LGSN: variants seen among roughly 807,000 people sequenced by gnomAD.
LGSN encodes lengsin.
Under a neutral mutation model 19.5 loss-of-function variants are expected in LGSN, and 21 were observed. That is an observed-to-expected ratio of 1.07 (90% CI 0.76 to 1.55). The LOEUF (loss-of-function observed/expected upper bound fraction) is 1.55, where lower values mean the gene tolerates loss of function less well. Among genes scored for constraint, LGSN ranks in the 40% most tolerant of loss-of-function variants. LGSN has a pLI of 0.00. For synonymous variants in LGSN, 257 were observed against 215.6 expected (o/e 1.19, Z -1.68); for missense variants, 673 against 608.5 (o/e 1.11, Z -1.12).
the LGSN span, among the ~76,000 whole-genome samples, chr6:63,534,646 A>C: frequency 2.5e-4 from 38 of 152,030 alleles, 2 homozygotes; most frequent in South Asian, 7.9e-3. Flanking sequence ...CATGTCTCTA[A>C]AAAATAATAA....
the LGSN span, among the ~76,000 whole-genome samples, chr6:63,434,539 A>G: frequency 6.7e-6 from 1 of 148,240 alleles, no homozygotes; most frequent in Non-Finnish European, 1.5e-5. Flanking sequence ...CTGTCATATC[A>G]CCTGAGGTCA....
chr6:63,453,626 C>T, the LGSN span, among the ~76,000 whole-genome samples: 2 of 151,372 alleles, frequency 1.3e-5, no homozygotes, highest in Non-Finnish European at 2.9e-5. Context: ...GTTTTCTGTT[C>T]TTTTACTTTG....
chr6:63,533,473 A>G, the LGSN span, among the ~76,000 whole-genome samples: 2 of 152,238 alleles, frequency 1.3e-5, no homozygotes, highest in Non-Finnish European at 2.9e-5. Context: ...AATAAAGGCT[A>G]GAACAGAGCT....
the LGSN span, among the ~76,000 whole-genome samples, chr6:63,504,336 C>T: frequency 1.3e-5 from 2 of 151,846 alleles, no homozygotes; most frequent in African/African-American, 2.4e-5. Flanking sequence ...CCGCCTCCCA[C>T]GTTCACACCA....
At chr6:63,470,269 A>G in the LGSN span, among the ~76,000 whole-genome samples, 1 of 151,844 alleles carries the variant, frequency 6.6e-6, no homozygotes, top group African/African-American at 2.4e-5. Context: ...GGAGTTCAAG[A>G]CCAACCTGAC....
At chr6:63,373,373 G>A in the LGSN span, among the ~76,000 whole-genome samples, 1 of 152,170 alleles carries the variant, frequency 6.6e-6, no homozygotes, top group South Asian at 2.1e-4. Context: ...TAACATCAGT[G>A]ATAAGACAAA....
At chr6:63,343,884 A>C in the LGSN span, among the ~76,000 whole-genome samples, 3 of 152,286 alleles carry the variant, frequency 2.0e-5, no homozygotes, top group East Asian at 5.8e-4. Context: ...GATTCAGTGA[A>C]CCATTGCTGG....
the LGSN span, among the ~76,000 whole-genome samples, chr6:63,382,153 A>G: frequency 9.9e-5 from 15 of 152,222 alleles, no homozygotes; most frequent in Admixed American, 1.3e-4. Context: ...AAAATGTATT[A>G]TATTTCATAA....
chr6:63,545,172 A>G, the LGSN span, among the ~76,000 whole-genome samples: 2 of 152,122 alleles, frequency 1.3e-5, no homozygotes, highest in Non-Finnish European at 2.9e-5. Flanking sequence ...ATCTGTTTCT[A>G]TCTTTTCTTA....
At chr6:63,496,889 G>A in the LGSN span, among the ~76,000 whole-genome samples, 2 of 152,080 alleles carry the variant, frequency 1.3e-5, no homozygotes, top group East Asian at 1.9e-4. Context: ...GTTTTGTTCT[G>A]CCCTTGCCTG....
chr6:63,529,214 T>TGTGTGTATATATATATATGTATATA, the LGSN span, among the ~76,000 whole-genome samples: 1 of 149,252 alleles, frequency 6.7e-6, no homozygotes, highest in African/African-American at 2.4e-5. Flanking sequence ...TGTATATATA[T>TGTGTGTATATATATATATGTATATA]TTGCTAATAA....
chr6:63,572,507 G>A, the LGSN span: 201 of 390,092 alleles, frequency 5.2e-4, no homozygotes, highest in Non-Finnish European at 7.8e-4. Flanking sequence ...GGCTCCTTCG[G>A]CTGCGGGCCG....
At chr6:63,299,552 T>C (rs552511217) in intron 1 of LGSN, among the ~76,000 whole-genome samples, 1 of 152,340 alleles carries the variant, frequency 6.6e-6, no homozygotes, top group South Asian at 2.1e-4. Context: ...TAGGGTTTTC[T>C]AGCTAACAAT....
rs907914136 is a variant in LGSN at position 63,276,282 on chromosome 6, T to A, written c.*3739A>T. 2 of 152,256 alleles carry A rather than the reference T, an allele frequency of 1.3e-5. No homozygotes were observed. Among genetic ancestry groups the A allele is most frequent in the Admixed American group, 6.5e-5 (1 of 15,286 alleles). 9.4% of individuals were successfully genotyped at this position (152,256 alleles called of 1,614,324 possible). On this transcript the variant is annotated 3_prime_UTR_variant, in exon 4 of 4. Coordinates refer to ENST00000370657, the MANE Select transcript of LGSN (RefSeq NM_016571.3). ...AATTTTTATTCAGATTAAAGTTTTT[T>A]GATCTTTCATTGCCTTCAAATAATC...
chr6:63,366,750 C>A, the LGSN span, among the ~76,000 whole-genome samples: 10 of 152,078 alleles, frequency 6.6e-5, no homozygotes, highest in Non-Finnish European at 1.5e-5. Flanking sequence ...AGATATAGAC[C>A]AATGGAACAG....
the LGSN span, among the ~76,000 whole-genome samples, chr6:63,504,543 A>G: frequency 6.6e-6 from 1 of 152,092 alleles, no homozygotes; most frequent in African/African-American, 2.4e-5. Context: ...CCCAGCCTCA[A>G]GTGATTCTTG....
chr6:63,472,658 G>A, the LGSN span, among the ~76,000 whole-genome samples: 201 of 152,080 alleles, frequency 1.3e-3, no homozygotes, highest in African/African-American at 4.7e-3. Flanking sequence ...TGCCCAATTC[G>A]GGCCGGGCGC....
chr6:63,305,466 T>C (rs1329466597), intron 1 of LGSN, among the ~76,000 whole-genome samples: 1 of 152,186 alleles, frequency 6.6e-6, no homozygotes, highest in Non-Finnish European at 1.5e-5. Context: ...TAGAACTTTA[T>C]AAACAGACTA....
At chr6:63,558,222 T>C in the LGSN span, among the ~76,000 whole-genome samples, 2 of 152,036 alleles carry the variant, frequency 1.3e-5, no homozygotes, top group Non-Finnish European at 2.9e-5. Context: ...GACAAGTCAT[T>C]GAATTAAGTT....
Sources: gnomAD v4.1 joint callset for allele counts (sites outside exome capture counted in the v4.1 genomes callset) on GRCh38, gnomAD v4.1.1 for gene constraint, MANE v1.5 for transcripts, NCBI Gene and HGNC (gene_info 2026-07-23, HGNC 2026-07-21) for gene names.